SLC1A5: variants seen among roughly 807,000 people sequenced by gnomAD.
The protein encoded by SLC1A5 is solute carrier family 1 member 5, also known as neutral amino acid transporter B(0).
A neutral mutation model predicts 34.9 loss-of-function variants in SLC1A5; 25 were observed. The observed-to-expected ratio is 0.72, with a 90% confidence interval of 0.52 to 1.00. The LOEUF is 1.00. SLC1A5 is among the 50% of genes least tolerant of loss of function. SLC1A5 has a pLI of 0.00. For synonymous variants in SLC1A5, 351 were observed against 341.2 expected (o/e 1.03, Z -0.32); for missense variants, 637 against 740.0 (o/e 0.86, Z 1.61).
intron 4 of SLC1A5, among the ~76,000 whole-genome samples, chr19:46,779,529 C>T (rs904470248): frequency 3.3e-5 from 5 of 151,722 alleles, no homozygotes; most frequent in Non-Finnish European, 5.9e-5. Context: ...CATCAAGGTG[C>T]GCCATTCACA....
rs775392133 is a variant in SLC1A5, at chr19:46,787,818, G to T, written c.148C>A (p.Arg50=). Residue 50 remains arginine (R), a synonymous_variant, in exon 1 of 8, where the codon CGA becomes AGA. Coordinates refer to ENST00000542575, the MANE Select transcript of SLC1A5 (RefSeq NM_005628.3). This position sits in a 1 kb window ranked among gnomAD's most constrained non-coding sequence, Gnocchi z 5.2. ...GSRDQVRRCL[R]ANLLVLLTVV... is the part of the protein sequence containing the mutation. ...GTCAGCAGCACAAGCAGGTTGGCTCGAAGGCAGCGGCGCACCTGGTCCCGG... is the reference window on the plus strand; with the variant it reads ...GTCAGCAGCACAAGCAGGTTGGCTCTAAGGCAGCGGCGCACCTGGTCCCGG... 1.9e-6 allele frequency: 3 copies of T among 1,551,258 alleles called. No homozygotes were observed. The highest frequency in any genetic ancestry group is 2.6e-6 in the Non-Finnish European group (3 of 1,148,364).
intron 3 of SLC1A5, among the ~76,000 whole-genome samples, chr19:46,783,604 C>T (rs1043770460): frequency 6.6e-6 from 1 of 152,136 alleles, no homozygotes; most frequent in Non-Finnish European, 1.5e-5. Context: ...CAAGACCAGC[C>T]TGGGCAACAT....
At chr19:46,783,405 G>T (rs1025027711) in intron 3 of SLC1A5, among the ~76,000 whole-genome samples, 1 of 150,668 alleles carries the variant, frequency 6.6e-6, no homozygotes, top group African/African-American at 2.4e-5. Context: ...GGCGGAGGTT[G>T]CAGTGAACCG....
At chr19:46,785,007 G>A (rs992796607) in intron 1 of SLC1A5, 89 of 397,760 alleles carry the variant, frequency 2.2e-4, no homozygotes, top group Non-Finnish European at 2.9e-4. Flanking sequence ...GAAAAGGGAC[G>A]GCTTCATATC....
chr19:46,787,457 C>T lies in SLC1A5; in HGVS notation c.509G>A (p.Gly170Asp). ...CTTGCTGGGGGCATTTTCGGCACTG[C>T]CCGCGGCTCCCACGGAGGCGTTGAT... ...AAINASVGAA[G>D]SAENAPSKEV... The change falls in exon 1 of 8, where the codon GGC becomes GAC. Residue 170 changes from glycine to aspartate, a missense_variant. Gly to Asp is a moderately conservative substitution (Grantham distance 94, BLOSUM62 -1). Transcript: ENST00000542575. The surrounding 1 kb of genome is among the most constrained non-coding windows in gnomAD (Gnocchi z 5.2). 8 of 1,598,990 alleles carry T rather than the reference C, an allele frequency of 5.0e-6. No homozygotes were observed. Among genetic ancestry groups the T allele is most frequent in the Non-Finnish European group, 6.8e-6 (8 of 1,173,724 alleles).
At chr19:46,782,346 A>ACAC in intron 4 of SLC1A5, 37 bp downstream of exon 4, 1 of 567,986 alleles carries the variant, frequency 1.8e-6, no homozygotes, top group East Asian at 3.6e-5. Context: ...CGACCCTCCA[A>ACAC]CCCCACCCAC....
chr19:46,788,474 C>T lies in SLC1A5; in HGVS notation c.-509G>A, dbSNP rs1215137398. On this transcript the variant is annotated 5_prime_UTR_variant, in exon 1 of 8. Coordinates refer to ENST00000542575, the MANE Select transcript of SLC1A5 (RefSeq NM_005628.3). ...GAAGCGGACCTCCGGAAACAGGGGACCCAGGCTCTTAGGTCCGGGAGGGTG... is the reference window on the plus strand; with the variant it reads ...GAAGCGGACCTCCGGAAACAGGGGATCCAGGCTCTTAGGTCCGGGAGGGTG... The T allele has an allele frequency of 6.5e-6, 1 of 154,136 alleles. No individual in the cohort carries two copies. Among genetic ancestry groups the T allele is most frequent in the African/African-American group, 2.4e-5 (1 of 41,516 alleles). The allele number at this position is 154,136 out of a possible 1,614,324, so 9.5% of individuals were successfully genotyped here.
intron 5 of SLC1A5, 23 bp downstream of exon 5, chr19:46,778,652 C>A: frequency 2.6e-6 from 3 of 1,136,330 alleles, no homozygotes; most frequent in South Asian, 2.5e-5. Flanking sequence ...AACATCCCAC[C>A]CTAGCCCACC....
chr19:46,779,812 C>G (rs995499509), intron 4 of SLC1A5, among the ~76,000 whole-genome samples: 1 of 151,740 alleles, frequency 6.6e-6, no homozygotes, highest in Non-Finnish European at 1.5e-5. Flanking sequence ...GCAGACAGAT[C>G]GCTTGAGCCC....
At chr19:46,781,164 C>A (rs183366906) in intron 4 of SLC1A5, among the ~76,000 whole-genome samples, 1 of 152,154 alleles carries the variant, frequency 6.6e-6, no homozygotes, top group Non-Finnish European at 1.5e-5. Context: ...AGATTCCTCA[C>A]GGGAATGCTG....
intron 3 of SLC1A5, 62 bp from the exon 4 acceptor site, chr19:46,782,611 G>T: frequency 6.3e-7 from 1 of 1,583,446 alleles, no homozygotes; most frequent in South Asian, 1.1e-5. Flanking sequence ...AGTCACTGAG[G>T]GCCTGTCCTT....
At chr19:46,786,001 A>T (rs2055183244) in intron 1 of SLC1A5, among the ~76,000 whole-genome samples, 1 of 151,976 alleles carries the variant, frequency 6.6e-6, no homozygotes, top group Non-Finnish European at 1.5e-5. Context: ...TAGAGGTTGC[A>T]ATGAGCCAAG....
At chr19:46,782,342 T>TGCCAACCCCCCCCCCCCCCCCCCAC in intron 4 of SLC1A5, 41 bp downstream of exon 4, 2 of 523,372 alleles carry the variant, frequency 3.8e-6, no homozygotes, top group East Asian at 4.0e-5. Context: ...AGACCGACCC[T>TGCCAACCCCCCCCCCCCCCCCCCAC]CCAACCCCAC....
chr19:46,786,101 G>A (rs564982296), intron 1 of SLC1A5, among the ~76,000 whole-genome samples: 1 of 152,076 alleles, frequency 6.6e-6, no homozygotes, highest in Admixed American at 6.6e-5. Flanking sequence ...GACCACATAG[G>A]TGTGTATGTG....
chr19:46,786,237 T>C (rs1295251434), intron 1 of SLC1A5, among the ~76,000 whole-genome samples: 1 of 152,148 alleles, frequency 6.6e-6, no homozygotes, highest in Non-Finnish European at 1.5e-5. Context: ...TATCTGGCCA[T>C]GTGTTTGTCG....
intron 4 of SLC1A5, among the ~76,000 whole-genome samples, chr19:46,781,892 C>T (rs1434826672): frequency 6.6e-6 from 1 of 152,168 alleles, no homozygotes; most frequent in Middle Eastern, 3.4e-3. Flanking sequence ...TTCCGTGTAC[C>T]GTATTCACTT....
chr19:46,784,381 C>G, intron 2 of SLC1A5, 136 bp downstream of exon 2: 1 of 1,025,528 alleles, frequency 9.8e-7, no homozygotes, highest in Non-Finnish European at 1.5e-6. Context: ...TTAAAACTCA[C>G]AGGAGGCTCT....
intron 5 of SLC1A5, among the ~76,000 whole-genome samples, chr19:46,777,866 G>A (rs761186079): frequency 6.7e-6 from 1 of 149,500 alleles, no homozygotes; most frequent in Non-Finnish European, 1.5e-5. Context: ...CTATATCTAA[G>A]CTCTTTTCCC....
rs773088686 is a variant in SLC1A5, at chr19:46,787,537, C to T, written c.429G>A (p.Ser143=). 41 of 1,573,832 alleles carry T rather than the reference C, an allele frequency of 2.6e-5. No individual in the cohort carries two copies. The highest frequency in any genetic ancestry group is 1.7e-4 in the Middle Eastern group (1 of 5,964). Residue 143 remains serine, a synonymous_variant, in exon 1 of 8, where the codon TCG becomes TCA. Transcript: ENST00000542575. The surrounding 1 kb of genome is among the most constrained non-coding windows in gnomAD (Gnocchi z 5.2). ...CCAGCGCCAAGCCCACTCCGAGCGC[C>T]GACGCCAGCAGCGTGGTGACCAGGA... ...LFFLVTTLLA[S]ALGVGLALAL... is the part of the protein sequence containing the mutation.
Sources: gnomAD v4.1 joint callset for allele counts (sites outside exome capture counted in the v4.1 genomes callset) on GRCh38, gnomAD v4.1.1 for gene constraint, Gnocchi (gnomAD v3.1) non-coding constraint, MANE v1.5 for transcripts, NCBI Gene and HGNC (gene_info 2026-07-23, HGNC 2026-07-21) for gene names.